Variants in ANK2 observed in about 807,000 individuals in gnomAD.
ANK2 encodes the protein ankyrin 2.
In ANK2, 83 loss-of-function variants were observed where a neutral mutation model predicts 360.5. The ratio of observed to expected loss-of-function variants is 0.23; its 90% CI spans 0.19 to 0.28. The LOEUF is 0.28. Among genes scored for constraint, ANK2 ranks in the 10% least tolerant of loss-of-function variants. ANK2 has a pLI of 1.00. For synonymous variants in ANK2, 1,740 were observed against 1,759.5 expected (o/e 0.99, Z 0.28); for missense variants, 4,201 against 4,795.7 (o/e 0.88, Z 3.66).
chr4:112,938,127 T>C (rs1005316267), intron 2 of ANK2, among the ~76,000 whole-genome samples: 1 of 152,232 alleles, frequency 6.6e-6, no homozygotes, highest in African/African-American at 2.4e-5. Context: ...ATCATGTGAC[T>C]ACATGTGTCC....
chr4:112,778,077 C>T, the ANK2 span, among the ~76,000 whole-genome samples: 1 of 151,876 alleles, frequency 6.6e-6, no homozygotes, highest in Non-Finnish European at 1.5e-5. Flanking sequence ...TCAAGCGATT[C>T]TTCTGCCTCG....
chr4:113,118,044 A>G (rs2095002275), intron 1 of ANK2, among the ~76,000 whole-genome samples: 1 of 152,154 alleles, frequency 6.6e-6, no homozygotes, highest in African/African-American at 2.4e-5. Flanking sequence ...TTTTCTGAAT[A>G]TGGCAATGAA....
At chr4:113,102,318 G>A (rs186798051) in intron 1 of ANK2, among the ~76,000 whole-genome samples, 1 of 152,234 alleles carries the variant, frequency 6.6e-6, no homozygotes, top group East Asian at 1.9e-4. Context: ...TCACTTAGAT[G>A]GGGAAGCCTG....
At chr4:112,926,114 A>G (rs1341134370) in intron 2 of ANK2, among the ~76,000 whole-genome samples, 1 of 152,206 alleles carries the variant, frequency 6.6e-6, no homozygotes, top group Admixed American at 6.5e-5. Context: ...GTAGGTTTTC[A>G]GTAGTGTCAG....
intron 2 of ANK2, among the ~76,000 whole-genome samples, chr4:112,918,056 A>G (rs1446394944): frequency 1.3e-5 from 2 of 152,140 alleles, no homozygotes; most frequent in Non-Finnish European, 2.9e-5. Context: ...CACTATCAAC[A>G]TCTTTCTTCT....
intron 2 of ANK2, among the ~76,000 whole-genome samples, chr4:112,957,637 C>T (rs1368249174): frequency 1.4e-5 from 2 of 145,696 alleles, no homozygotes; most frequent in South Asian, 2.2e-4. Flanking sequence ...GCTGGCCGGG[C>T]GGGGGGCTGA....
At chr4:113,047,907 T>A (rs771669977), upstream of ANK2, among the ~76,000 whole-genome samples, 5 of 151,916 alleles carry the variant, frequency 3.3e-5, no homozygotes, top group Non-Finnish European at 2.9e-5. Flanking sequence ...GGGAAATAGG[T>A]GAATTTTTGT....
upstream of ANK2, among the ~76,000 whole-genome samples, chr4:112,817,002 C>T (rs189881940): frequency 5.1e-4 from 77 of 152,182 alleles, no homozygotes; most frequent in African/African-American, 1.3e-3. Context: ...CAGAGCAAGA[C>T]GGTGTCCAAA....
chr4:113,240,710 T>G, intron 8 of ANK2, 127 bp downstream of exon 8: 1 of 786,448 alleles, frequency 1.3e-6, no homozygotes, highest in East Asian at 2.7e-5. Context: ...GTGCTGGAGA[T>G]ACTAGATTTT....
the ANK2 span, among the ~76,000 whole-genome samples, chr4:112,718,931 C>G: frequency 1.4e-5 from 1 of 69,126 alleles, no homozygotes. Context: ...GCCACCGCAC[C>G]CGGTCGCATG....
At chr4:113,082,519 A>G (rs1250548772) in intron 1 of ANK2, among the ~76,000 whole-genome samples, 1 of 152,228 alleles carries the variant, frequency 6.6e-6, no homozygotes, top group African/African-American at 2.4e-5. Context: ...TTTAATAATT[A>G]GTTTTATATG....
At chr4:112,899,497 A>T (rs192064568) in intron 1 of ANK2, among the ~76,000 whole-genome samples, 4 of 152,252 alleles carry the variant, frequency 2.6e-5, no homozygotes, top group Admixed American at 2.6e-4. Flanking sequence ...CATTGATGAG[A>T]GGATTCTAAA....
intron 2 of ANK2, among the ~76,000 whole-genome samples, chr4:112,907,476 C>T (rs1465120866): frequency 6.6e-6 from 1 of 152,062 alleles, no homozygotes; most frequent in African/African-American, 2.4e-5. Context: ...TGGAACCCAC[C>T]CACTTATCCC....
chr4:113,049,919 C>CTGTA (rs2066178711), intron 1 of ANK2, 107 bp downstream of exon 1: 1 of 1,361,964 alleles, frequency 7.3e-7, no homozygotes. Flanking sequence ...TTATGAGTAA[C>CTGTA]TGTAGACGAT....
chr4:113,206,582 C>T (rs2098951891), intron 4 of ANK2, among the ~76,000 whole-genome samples: 1 of 152,068 alleles, frequency 6.6e-6, no homozygotes, highest in Admixed American at 6.6e-5. Context: ...GAAGTCAGGA[C>T]ACTTGTGTTT....
the ANK2 span, among the ~76,000 whole-genome samples, chr4:112,749,495 A>G: frequency 6.6e-6 from 1 of 152,300 alleles, no homozygotes; most frequent in South Asian, 2.1e-4. Flanking sequence ...CAGAAAATGT[A>G]TGGAAACTCA....
chr4:113,352,644 GTTTTC>G (rs1208802629), intron 37 of ANK2, among the ~76,000 whole-genome samples: 3 of 150,070 alleles, frequency 2.0e-5, no homozygotes, highest in Admixed American at 6.6e-5. Context: ...CTCATGGTTG[GTTTTC>G]TTTTTTTTTT....
upstream of ANK2, chr4:113,049,573 G>T (rs903402453): frequency 1.3e-4 from 185 of 1,438,200 alleles, no homozygotes; most frequent in Non-Finnish European, 1.6e-4. Flanking sequence ...GGCAGCTGCT[G>T]CCATGGCAAC....
At chr4:112,830,075 T>C (rs34887644) in intron 1 of ANK2, among the ~76,000 whole-genome samples, 70,548 of 151,914 alleles carry the variant, frequency 0.46, 17,353 homozygotes, top group East Asian at 0.9. Flanking sequence ...GGTCAGCCAC[T>C]ATGGAAAGCA....
Sources: allele counts gnomAD v4.1 joint callset (sites outside exome capture counted in the v4.1 genomes callset), GRCh38; gene constraint gnomAD v4.1.1; transcripts MANE v1.5; gene names NCBI Gene and HGNC (gene_info 2026-07-23, HGNC 2026-07-21).